Variants in CWC27 observed in about 807,000 individuals in gnomAD.
The protein encoded by CWC27 is CWC27 spliceosome associated cyclophilin, also known as spliceosome-associated protein CWC27 homolog.
A neutral mutation model predicts 63.6 loss-of-function variants in CWC27; 47 were observed. The ratio of observed to expected loss-of-function variants is 0.74; its 90% CI spans 0.58 to 0.94. The LOEUF is 0.94. Among genes scored for constraint, CWC27 ranks in the 40% least tolerant of loss-of-function variants. CWC27 has a pLI of 0.00. For missense variants in CWC27, 495 were observed against 554.3 expected (o/e 0.89, Z 1.07); for synonymous variants, 175 against 179.8 (o/e 0.97, Z 0.22).
chr5:65,007,609 T>C (rs1749869181), intron 13 of CWC27, among the ~76,000 whole-genome samples: 2 of 144,478 alleles, frequency 1.4e-5, no homozygotes, highest in African/African-American at 5.2e-5. Flanking sequence ...CATGTGCTCC[T>C]CATGTCTCAT....
chr5:65,007,670 C>G (rs1749872730), intron 13 of CWC27, among the ~76,000 whole-genome samples: 1 of 148,006 alleles, frequency 6.8e-6, no homozygotes, highest in African/African-American at 2.5e-5. Flanking sequence ...CTCTGTCCCC[C>G]AGGCTGGAGT....
Position 64,792,697 on chromosome 5 carries a change from G to A in CWC27, c.669+3677G>A, listed in dbSNP as rs893004456. Reference sequence around the variant, plus strand: ...CCCTTTACTTTATAACTTATTAATTGTGTAGAGTCCTGGGCTGTGAGCTTG... The same window carrying A: ...CCCTTTACTTTATAACTTATTAATTATGTAGAGTCCTGGGCTGTGAGCTTG... On this transcript the variant is annotated intron_variant, in intron 7 of 13. Coordinates refer to ENST00000381070, the MANE Select transcript of CWC27 (RefSeq NM_005869.4). 1.3e-5 allele frequency among the ~76,000 whole-genome samples: 2 copies of A among 152,052 alleles called. 1 individual carries two copies. Among genetic ancestry groups the A allele is most frequent in the East Asian group, 3.9e-4 (2 of 5,188 alleles).
At chr5:64,815,040 T>TAGTAGTAA (rs781017425) in intron 10 of CWC27, among the ~76,000 whole-genome samples, 40 of 152,080 alleles carry the variant, frequency 2.6e-4, no homozygotes, top group Non-Finnish European at 4.9e-4. Context: ...GGCTAAGAAG[T>TAGTAGTAA]AGTAGTAATA....
intron 11 of CWC27, among the ~76,000 whole-genome samples, chr5:64,898,579 G>A (rs151104390): frequency 2.6e-5 from 4 of 152,106 alleles, no homozygotes; most frequent in East Asian, 1.9e-4. Context: ...TAGTTGCTAC[G>A]TACAAGGAGT....
chr5:64,898,646 C>A (rs1291373921), intron 11 of CWC27, among the ~76,000 whole-genome samples: 1 of 151,554 alleles, frequency 6.6e-6, no homozygotes, highest in Non-Finnish European at 1.5e-5. Flanking sequence ...AAAGAAGTTG[C>A]TGTTAAAAAA....
rs1340828580 is a variant in CWC27 at position 64,804,366 on chromosome 5, G to A, written c.918G>A (p.Glu306=). ...NVKSAGEGEV[E]KKSVSRSEEL... ...AATCAGCTGGAGAAGGAGAAGTGGA[G>A]AAGAAATCAGTCAGCCGCAGGTGAG... Residue 306 remains glutamate, a synonymous_variant, in exon 10 of 14, where the codon GAG becomes GAA. Coordinates refer to ENST00000381070, the MANE Select transcript of CWC27 (RefSeq NM_005869.4). The A allele has an allele frequency of 6.2e-7, 1 of 1,610,644 alleles. No individual in the cohort carries two copies. The highest frequency in any genetic ancestry group is 8.5e-7 in the Non-Finnish European group (1 of 1,178,616).
At position 64,885,727 on chromosome 5, in the gene CWC27, G is replaced by GTGTGTGTGTGTGTGTC. The variant is rs953124768; in HGVS notation, c.1042+192_1042+193insGTGTCTGTGTGTGTGT. On this transcript the variant is annotated intron_variant, in intron 11 of 13. Coordinates refer to ENST00000381070, the MANE Select transcript of CWC27 (RefSeq NM_005869.4). ...TGTGTGTGTGTGTGTGTGTGTGTGT[G>GTGTGTGTGTGTGTGTC]TGTGTGTGTGTTTTTAATACTTTCT... Among the ~76,000 whole-genome samples, 3 of 150,034 alleles carry GTGTGTGTGTGTGTGTC rather than the reference G, an allele frequency of 2.0e-5. No individual in the cohort carries two copies. In the East Asian group the frequency reaches 5.8e-4, roughly 29 times the overall value.
At chr5:64,864,835 G>A (rs1746496466) in intron 10 of CWC27, among the ~76,000 whole-genome samples, 1 of 151,946 alleles carries the variant, frequency 6.6e-6, no homozygotes. Context: ...ATATATTGTG[G>A]TATGATTAAA....
At chr5:64,821,969 T>A (rs532946401) in intron 10 of CWC27, among the ~76,000 whole-genome samples, 1 of 152,302 alleles carries the variant, frequency 6.6e-6, no homozygotes, top group African/African-American at 2.4e-5. Context: ...CATGGTTGCA[T>A]GTCTGCCGGA....
chr5:64,883,764 T>C (rs1747001441), intron 10 of CWC27, among the ~76,000 whole-genome samples: 1 of 152,210 alleles, frequency 6.6e-6, no homozygotes, highest in African/African-American at 2.4e-5. Context: ...GGTAAACTAT[T>C]CTTTCAAGAA....
At chr5:64,921,719 T>G (rs906238531) in intron 11 of CWC27, among the ~76,000 whole-genome samples, 2 of 152,224 alleles carry the variant, frequency 1.3e-5, no homozygotes. Flanking sequence ...CTGTGTGTTA[T>G]GTAGACTTGA....
At chr5:64,941,296 T>C (rs1748473955) in intron 11 of CWC27, among the ~76,000 whole-genome samples, 1 of 152,148 alleles carries the variant, frequency 6.6e-6, no homozygotes, top group African/African-American at 2.4e-5. Context: ...GCTTCTAGGC[T>C]CTCTCAGTAA....
intron 10 of CWC27, among the ~76,000 whole-genome samples, chr5:64,807,031 A>ATAGC (rs1407782050): frequency 6.6e-6 from 1 of 152,154 alleles, no homozygotes; most frequent in Non-Finnish European, 1.5e-5. Flanking sequence ...TATAATGGGT[A>ATAGC]TAGCTGCCAG....
At chr5:64,964,046 C>A (rs1748968553) in intron 11 of CWC27, among the ~76,000 whole-genome samples, 1 of 152,174 alleles carries the variant, frequency 6.6e-6, no homozygotes, top group Non-Finnish European at 1.5e-5. Flanking sequence ...CATTATAAAC[C>A]TATTAGTGGC....
At chr5:64,825,251 G>C (rs565809889) in intron 10 of CWC27, among the ~76,000 whole-genome samples, 22 of 152,262 alleles carry the variant, frequency 1.4e-4, no homozygotes, top group African/African-American at 4.8e-4. Flanking sequence ...TGGAAACCAT[G>C]CTTATAGTTT....
chr5:64,814,068 T>C (rs1036313585), intron 10 of CWC27, among the ~76,000 whole-genome samples: 1 of 147,156 alleles, frequency 6.8e-6, no homozygotes, highest in Non-Finnish European at 1.5e-5. Flanking sequence ...CATTATGAGA[T>C]TTTTTTTGCG....
intron 12 of CWC27, among the ~76,000 whole-genome samples, chr5:64,975,416 A>G (rs970376447): frequency 6.6e-6 from 1 of 152,200 alleles, no homozygotes; most frequent in Non-Finnish European, 1.5e-5. Flanking sequence ...TCAGTATTGA[A>G]TTCAACATAC....
intron 13 of CWC27, among the ~76,000 whole-genome samples, chr5:64,995,516 C>A (rs944358959): frequency 6.6e-6 from 1 of 152,042 alleles, no homozygotes; most frequent in African/African-American, 2.4e-5. Flanking sequence ...TAATTTACAT[C>A]AAAAATCCAC....
At chr5:64,934,473 G>A (rs1748304499) in intron 11 of CWC27, among the ~76,000 whole-genome samples, 1 of 152,178 alleles carries the variant, frequency 6.6e-6, no homozygotes. Flanking sequence ...TGGTGTATAT[G>A]TGCCACATTT....
Sources: allele counts gnomAD v4.1 joint callset (sites outside exome capture counted in the v4.1 genomes callset), GRCh38; gene constraint gnomAD v4.1.1; transcripts MANE v1.5; gene names NCBI Gene and HGNC (gene_info 2026-07-23, HGNC 2026-07-21).